The following GRAMD1B variants were observed in gnomAD, a reference collection of about 807,000 sequenced individuals.
The protein encoded by GRAMD1B is GRAM domain containing 1B.
Under a neutral mutation model 99.7 loss-of-function variants are expected in GRAMD1B, and 37 were observed. That is an observed-to-expected ratio of 0.37 (90% CI 0.29 to 0.49). The LOEUF (loss-of-function observed/expected upper bound fraction) is 0.49. Among genes scored for constraint, GRAMD1B ranks in the 20% least tolerant of loss-of-function variants. The pLI, the probability that GRAMD1B is intolerant of heterozygous loss-of-function variation, is 0.98. For missense variants in GRAMD1B, 888 were observed against 1,009.2 expected, an observed-to-expected ratio of 0.88 and a Z score of 1.63; for synonymous variants, 427 against 387.6, an observed-to-expected ratio of 1.10 and a Z score of -1.19.
At chr11:123,584,530 G>C (rs1038580908) in intron 4 of GRAMD1B, among the ~76,000 whole-genome samples, 198 bp downstream of exon 4, 5 of 127,878 alleles carry the variant, frequency 3.9e-5, no homozygotes, top group African/African-American at 8.9e-5. Context: ...ATTGCATTCA[G>C]GGGACCAAGG....
At chr11:123,436,984 A>G (rs1021182206) in intron 1 of GRAMD1B, among the ~76,000 whole-genome samples, 4 of 152,012 alleles carry the variant, frequency 2.6e-5, no homozygotes, top group Non-Finnish European at 4.4e-5. Context: ...ATTCCCACCT[A>G]TGAGTGAGAA....
chr11:123,458,928 C>G (rs1315488516), intron 1 of GRAMD1B: 2 of 151,682 alleles, frequency 1.3e-5, no homozygotes, highest in East Asian at 3.9e-4. Context: ...GTAATTTCCC[C>G]CCAACTCTGA....
At chr11:123,600,174 T>C (rs1951776096) in intron 7 of GRAMD1B, among the ~76,000 whole-genome samples, 1 of 152,176 alleles carries the variant, frequency 6.6e-6, no homozygotes, top group Admixed American at 6.5e-5. Context: ...AGTAGGTGGG[T>C]GAGGGACATT....
chr11:123,401,362 C>T (rs1947655522), intron 1 of GRAMD1B, among the ~76,000 whole-genome samples: 1 of 152,264 alleles, frequency 6.6e-6, no homozygotes, highest in Admixed American at 6.5e-5. Flanking sequence ...GTGTCACAGC[C>T]TGTTGCGTCC....
chr11:123,613,191 A>G, intron 15 of GRAMD1B: 1 of 565,776 alleles, frequency 1.8e-6, no homozygotes, highest in South Asian at 2.3e-5. Context: ...GAATGCATCT[A>G]TTTAAGACGT....
intron 2 of GRAMD1B, among the ~76,000 whole-genome samples, chr11:123,542,501 T>A (rs1265654636): frequency 6.6e-6 from 1 of 152,106 alleles, no homozygotes; most frequent in East Asian, 1.9e-4. Context: ...GCTGGAGAGT[T>A]TGTGCTCTGG....
intron 1 of GRAMD1B, among the ~76,000 whole-genome samples, chr11:123,393,869 G>T (rs928618360): frequency 6.6e-6 from 1 of 152,140 alleles, no homozygotes; most frequent in Non-Finnish European, 1.5e-5. Context: ...CCAGCACCTC[G>T]ACTGGGGCTC....
At chr11:123,555,454 C>A (rs1222369865) in intron 2 of GRAMD1B, among the ~76,000 whole-genome samples, 24 of 152,068 alleles carry the variant, frequency 1.6e-4, no homozygotes, top group Admixed American at 1.6e-3. Context: ...GTTCAAGCAA[C>A]TCTCCTGCCT....
chr11:123,484,698 G>T (rs966703170), intron 2 of GRAMD1B, among the ~76,000 whole-genome samples: 2 of 152,050 alleles, frequency 1.3e-5, no homozygotes, highest in East Asian at 1.9e-4. Context: ...TCAGAAATTG[G>T]CTCTAGTATG....
intron 2 of GRAMD1B, chr11:123,560,674 C>T (rs1478619137): frequency 4.4e-6 from 2 of 451,958 alleles, no homozygotes; most frequent in Non-Finnish European, 8.8e-6. Context: ...CTCGTGCTGA[C>T]GCCTGGTGCG....
rs994436667 is a variant in GRAMD1B, at chr11:123,510,911, G to A, written c.452+30018G>A. Among the ~76,000 whole-genome samples, 1 of 152,196 alleles carries A rather than the reference G, an allele frequency of 6.6e-6. No individual in the cohort carries two copies. The highest frequency in any genetic ancestry group is 2.4e-5 in the African/African-American group (1 of 41,444). ...TACAAAGCACATGCCCCACCTTGGTGTGCTTGGAAGTCGGAGTGGGTGGAT... is the reference window on the plus strand; with the variant it reads ...TACAAAGCACATGCCCCACCTTGGTATGCTTGGAAGTCGGAGTGGGTGGAT... On this transcript the variant is annotated intron_variant, in intron 2 of 19. Transcript: ENST00000635736. This position sits in a 1 kb window ranked among gnomAD's most constrained non-coding sequence, Gnocchi z 4.3.
At chr11:123,509,909 C>G (rs1393824498) in intron 2 of GRAMD1B, 3 of 152,326 alleles carry the variant, frequency 2.0e-5, no homozygotes, top group Non-Finnish European at 4.4e-5. Flanking sequence ...GCAGATCCAG[C>G]CAGGCTGCCG....
chr11:123,542,074 C>G (rs916354821), intron 2 of GRAMD1B, among the ~76,000 whole-genome samples: 1 of 152,174 alleles, frequency 6.6e-6, no homozygotes, highest in Non-Finnish European at 1.5e-5. Flanking sequence ...CTAAAATCAG[C>G]CACTTTATTT....
At chr11:123,487,841 AG>A (rs980648337) in intron 2 of GRAMD1B, among the ~76,000 whole-genome samples, 2 of 152,118 alleles carry the variant, frequency 1.3e-5, no homozygotes, top group Non-Finnish European at 2.9e-5. Flanking sequence ...TCCTGATTTC[AG>A]GGGATCTGCC....
rs1037146328 is a variant in GRAMD1B at position 123,391,285 on chromosome 11, C to G, written c.-176+32486C>G. On this transcript the variant is annotated intron_variant, in intron 1 of 20. Coordinates refer to the GRAMD1B transcript ENST00000638157. ...TACCCCATACCCAGGAGCTTACCTG[C>G]AGCCTTACTCTTTCTCTCACCATTA... Among the ~76,000 whole-genome samples the G allele has an allele frequency of 1.8e-4, 20 of 112,488 alleles. No homozygotes were observed. The South Asian group carries it at 4.7e-3, about 27-fold the overall frequency. The allele number at this position is 112,488 out of a possible 152,430, so 73.8% of individuals were successfully genotyped here. A position where few individuals can be genotyped will look rare whatever the true frequency, so the allele number is the denominator to read the frequency against.
intron 1 of GRAMD1B, among the ~76,000 whole-genome samples, chr11:123,418,991 A>T (rs1363638915): frequency 6.6e-6 from 1 of 152,254 alleles, no homozygotes; most frequent in Non-Finnish European, 1.5e-5. Context: ...GAACATGCAC[A>T]TCACTAATTG....
chr11:123,523,218 G>A (rs550137449), intron 2 of GRAMD1B, among the ~76,000 whole-genome samples: 4 of 152,300 alleles, frequency 2.6e-5, no homozygotes, highest in South Asian at 4.2e-4. Flanking sequence ...TGTAATCCCA[G>A]CTACTCGGGA....
At position 123,548,320 on chromosome 11, in the gene GRAMD1B, A is replaced by G. The variant is rs1355298856; in HGVS notation, c.453-29047A>G. On this transcript the variant is annotated intron_variant, in intron 2 of 19. Coordinates refer to ENST00000635736, the MANE Select transcript of GRAMD1B (RefSeq NM_001387025.1). ...TATATATATATATATATATATATAT[A>G]TATATACACACACACACACACACAC... 5.1e-4 allele frequency among the ~76,000 whole-genome samples: 55 copies of G among 108,258 alleles called. 2 individuals carry two copies. Among genetic ancestry groups the G allele is most frequent in the African/African-American group, 2.6e-3 (53 of 20,352 alleles). 71.0% of individuals were successfully genotyped at this position (108,258 alleles called of 152,430 possible). A position where few individuals can be genotyped will look rare whatever the true frequency, so the allele number is the denominator to read the frequency against.
rs1482574800 is a variant in GRAMD1B at position 123,510,988 on chromosome 11, C to T, written c.452+30095C>T. ...TATCTGTAGCTTTCATCTGCACTCA[C>T]TTATATGTCCGTTGTTTTCTTTAGC... is the stretch of plus-strand genomic sequence containing the variant. On this transcript the variant is annotated intron_variant, in intron 2 of 19. Coordinates refer to ENST00000635736, the MANE Select transcript of GRAMD1B (RefSeq NM_001387025.1). This position sits in a 1 kb window ranked among gnomAD's most constrained non-coding sequence, Gnocchi z 4.3. Among the ~76,000 whole-genome samples, 1 of 152,138 alleles carries T rather than the reference C, an allele frequency of 6.6e-6. No homozygotes were observed. Among genetic ancestry groups the T allele is most frequent in the Non-Finnish European group, 1.5e-5 (1 of 68,030 alleles).
Sources: allele counts gnomAD v4.1 joint callset (sites outside exome capture counted in the v4.1 genomes callset), GRCh38; gene constraint gnomAD v4.1.1; non-coding constraint Gnocchi (gnomAD v3.1); transcripts MANE v1.5; gene names NCBI Gene and HGNC (gene_info 2026-07-23, HGNC 2026-07-21).